Variants in NCALD observed in about 807,000 individuals in gnomAD.
NCALD encodes neurocalcin delta, also known as neurocalcin-delta.
Under a neutral mutation model 18.6 loss-of-function variants are expected in NCALD, and 10 were observed. The observed-to-expected ratio is 0.54, with a 90% CI of 0.33 to 0.91. The LOEUF is 0.91. Ranked by LOEUF, NCALD falls within the 40% of genes least tolerant of loss-of-function variation. NCALD has a pLI of 0.03. For missense variants in NCALD, 184 were observed against 247.6 expected, an observed-to-expected ratio of 0.74 and a Z score of 1.72; for synonymous variants, 88 against 87.4, an observed-to-expected ratio of 1.01 and a Z score of -0.04.
intron 4 of NCALD, among the ~76,000 whole-genome samples, chr8:101,832,224 G>A (rs1421203465): frequency 3.9e-5 from 6 of 151,972 alleles, no homozygotes; most frequent in African/African-American, 9.7e-5. Flanking sequence ...GTCTCCACCC[G>A]GGGAAAGAAA....
chr8:102,112,454 C>G (rs374848896), intron 1 of NCALD, among the ~76,000 whole-genome samples: 7 of 152,060 alleles, frequency 4.6e-5, no homozygotes, highest in African/African-American at 1.7e-4. Context: ...ATATCCCTTG[C>G]CTAAGCTTGT....
intron 2 of NCALD, among the ~76,000 whole-genome samples, chr8:101,955,249 G>C (rs183916852): frequency 2.3e-4 from 35 of 152,310 alleles, no homozygotes; most frequent in Non-Finnish European, 4.0e-4. Context: ...ATTTTAGAAG[G>C]GGGGAGGACG....
intron 2 of NCALD, among the ~76,000 whole-genome samples, chr8:101,931,918 C>T (rs1192927047): frequency 6.6e-6 from 1 of 151,918 alleles, no homozygotes; most frequent in Non-Finnish European, 1.5e-5. Flanking sequence ...CCTTAGGAGC[C>T]CATATCTGTC....
intron 1 of NCALD, among the ~76,000 whole-genome samples, chr8:102,117,737 T>G (rs1825833747): frequency 1.3e-5 from 2 of 152,206 alleles, no homozygotes; most frequent in Admixed American, 1.3e-4. Flanking sequence ...GAATCAAGTA[T>G]GAAATATGCC....
chr8:101,945,514 T>G (rs1464493632), intron 2 of NCALD, among the ~76,000 whole-genome samples: 1 of 152,016 alleles, frequency 6.6e-6, no homozygotes, highest in East Asian at 1.9e-4. Flanking sequence ...ATGACTGGAG[T>G]TGCTATCAGC....
intron 4 of NCALD, among the ~76,000 whole-genome samples, chr8:101,798,197 GGAAAGGAA>G (rs1484923184): frequency 6.6e-6 from 1 of 152,142 alleles, no homozygotes; most frequent in East Asian, 1.9e-4. Context: ...CATACAGTTT[GGAAAGGAA>G]GAAATAAAAC....
chr8:101,762,895 G>A (rs1811175374), intron 1 of NCALD, among the ~76,000 whole-genome samples: 1 of 152,086 alleles, frequency 6.6e-6, no homozygotes. Flanking sequence ...AATAAAAAAT[G>A]GACAATAGAT....
intron 1 of NCALD, among the ~76,000 whole-genome samples, chr8:101,738,552 C>CAAAAAAAA (rs34205453): frequency 2.9e-4 from 37 of 127,900 alleles, no homozygotes; most frequent in South Asian, 7.5e-4. Flanking sequence ...CTCAAAAAAA[C>CAAAAAAAA]AAAAAAAAAA....
intron 1 of NCALD, among the ~76,000 whole-genome samples, chr8:102,097,655 TA>T (rs1287559874): frequency 6.6e-6 from 1 of 152,180 alleles, no homozygotes; most frequent in Non-Finnish European, 1.5e-5. Context: ...CAATCATCAA[TA>T]ACCTCTTTTC....
chr8:102,025,970 C>A (rs1247074692), intron 1 of NCALD, among the ~76,000 whole-genome samples: 1 of 152,192 alleles, frequency 6.6e-6, no homozygotes, highest in Admixed American at 6.5e-5. Flanking sequence ...CTTCTTCACA[C>A]AGCAGCAGGA....
chr8:101,896,459 G>A (rs1390919407), intron 3 of NCALD, among the ~76,000 whole-genome samples: 1 of 151,948 alleles, frequency 6.6e-6, no homozygotes, highest in African/African-American at 2.4e-5. Flanking sequence ...GCATGGGCAA[G>A]GACTTCATGT....
intron 4 of NCALD, among the ~76,000 whole-genome samples, chr8:101,848,450 G>T (rs1814958860): frequency 6.6e-6 from 1 of 152,170 alleles, no homozygotes; most frequent in African/African-American, 2.4e-5. Flanking sequence ...GATACAGCAA[G>T]AAGCTGTTGG....
intron 1 of NCALD, among the ~76,000 whole-genome samples, chr8:102,051,354 G>A (rs919480690): frequency 1.3e-5 from 2 of 152,138 alleles, no homozygotes; most frequent in African/African-American, 2.4e-5. Flanking sequence ...GCTAATGTGT[G>A]GAAAGGACAT....
chr8:102,049,361 A>G (rs1251519230), intron 1 of NCALD, among the ~76,000 whole-genome samples: 1 of 152,168 alleles, frequency 6.6e-6, no homozygotes, highest in Non-Finnish European at 1.5e-5. Flanking sequence ...ATGTCTTTTC[A>G]TGGCTTGATA....
At chr8:101,744,011 T>C (rs1018771710) in intron 1 of NCALD, among the ~76,000 whole-genome samples, 12 of 152,152 alleles carry the variant, frequency 7.9e-5, no homozygotes, top group African/African-American at 2.7e-4. Flanking sequence ...GCCCAGAGCC[T>C]TGACTTGGAG....
chr8:101,934,061 G>A (rs4734042), intron 2 of NCALD, among the ~76,000 whole-genome samples: 60,535 of 152,070 alleles, frequency 0.4, 12,436 homozygotes, highest in South Asian at 0.47. Context: ...TACAATCTCA[G>A]TTAGATGATG....
chr8:102,094,534 T>C (rs1305870655), intron 1 of NCALD, among the ~76,000 whole-genome samples: 1 of 152,232 alleles, frequency 6.6e-6, no homozygotes, highest in Admixed American at 6.5e-5. Context: ...AAGCCAGCGA[T>C]TGCTAGTATC....
chr8:101,762,205 A>AC (rs1428143709), intron 1 of NCALD, among the ~76,000 whole-genome samples: 17 of 151,506 alleles, frequency 1.1e-4, no homozygotes, highest in East Asian at 5.8e-4. Context: ...TATTTCCCCA[A>AC]CCCCCCCACA....
intron 1 of NCALD, among the ~76,000 whole-genome samples, chr8:102,105,034 G>A (rs1209184961): frequency 1.3e-5 from 2 of 152,126 alleles, no homozygotes; most frequent in Admixed American, 6.5e-5. Context: ...CGTGCCTGAG[G>A]ATAAAATCAA....
Sources: gnomAD v4.1 joint callset for allele counts (sites outside exome capture counted in the v4.1 genomes callset) on GRCh38, gnomAD v4.1.1 for gene constraint, MANE v1.5 for transcripts, NCBI Gene and HGNC (gene_info 2026-07-23, HGNC 2026-07-21) for gene names.